Variants in C8orf88 observed in about 807,000 individuals in gnomAD.
The protein encoded by C8orf88 is chromosome 8 open reading frame 88.
C8orf88 carries 14 observed loss-of-function variants against 18.4 expected under a neutral mutation model. That is an observed-to-expected ratio of 0.76 (90% CI 0.50 to 1.19). The LOEUF is 1.19. Among genes scored for constraint, C8orf88 ranks in the 50% most tolerant of loss-of-function variants. The pLI, the probability that C8orf88 is intolerant of heterozygous loss-of-function variation, is 0.00. For missense variants in C8orf88, 116 were observed against 134.7 expected, an observed-to-expected ratio of 0.86 and a Z score of 0.69; for synonymous variants, 45 against 42.9, an observed-to-expected ratio of 1.05 and a Z score of -0.19.
chr8:90,974,181 TA>T, intron 3 of C8orf88, among the ~76,000 whole-genome samples: 2 of 152,286 alleles, frequency 1.3e-5, no homozygotes, highest in African/African-American at 4.8e-5. Flanking sequence ...CTCCTTCACT[TA>T]AATCTTGGCA....
intron 4 of C8orf88, among the ~76,000 whole-genome samples, chr8:90,964,868 G>A (rs1586160334): frequency 6.6e-6 from 1 of 150,816 alleles, no homozygotes; most frequent in Non-Finnish European, 1.5e-5. Context: ...ACAGCAACTA[G>A]GAACATAAAA....
intron 4 of C8orf88, among the ~76,000 whole-genome samples, chr8:90,968,066 C>T (rs1165547669): frequency 6.6e-6 from 1 of 151,618 alleles, no homozygotes; most frequent in Non-Finnish European, 1.5e-5. Context: ...GAAATGGAAA[C>T]GTTGATCTCA....
chr8:90,977,724 C>G (rs1438583833), intron 3 of C8orf88, among the ~76,000 whole-genome samples: 1 of 151,954 alleles, frequency 6.6e-6, no homozygotes, highest in Non-Finnish European at 1.5e-5. Flanking sequence ...GGCAGATCAC[C>G]TGAGGTTGGA....
chr8:90,971,111 G>C lies in C8orf88; in HGVS notation c.178C>G (p.Gln60Glu), dbSNP rs1391951300. 16 of 1,521,000 alleles carry C rather than the reference G, an allele frequency of 1.1e-5. No homozygotes were observed. Among genetic ancestry groups the C allele is most frequent in the Non-Finnish European group, 1.3e-5 (15 of 1,138,814 alleles). 94.2% of individuals were successfully genotyped at this position (1,521,000 alleles called of 1,614,324 possible). A position where few individuals can be genotyped will look rare whatever the true frequency, so the allele number is the denominator to read the frequency against. Residue 60 changes from glutamine (Q) to glutamate (E), a missense_variant, in exon 4 of 6, where the codon CAA becomes GAA. Coordinates refer to ENST00000517562, the MANE Select transcript of C8orf88 (RefSeq NM_001190972.2). ...CKTNGMQAFS[Q>E]GLNEQQQQQS... is the part of the protein sequence containing the mutation. Reference sequence around the variant, plus strand: ...TGTTGCTGTTGCTCATTAAGACCTTGAGAAAAGGCTTGCATTCCATTCGTC... The same window carrying C: ...TGTTGCTGTTGCTCATTAAGACCTTCAGAAAAGGCTTGCATTCCATTCGTC...
chr8:90,976,630 C>T (rs761933859), intron 3 of C8orf88, among the ~76,000 whole-genome samples: 40 of 151,834 alleles, frequency 2.6e-4, no homozygotes, highest in Admixed American at 4.6e-4. Context: ...AAAATGATCA[C>T]TAGAACAGAA....
At chr8:90,981,775 C>T (rs1351910605) in intron 1 of C8orf88, among the ~76,000 whole-genome samples, 2 of 152,112 alleles carry the variant, frequency 1.3e-5, no homozygotes, top group Admixed American at 6.5e-5. Context: ...GTCATTGCAA[C>T]TAAAATCTGA....
intron 1 of C8orf88, among the ~76,000 whole-genome samples, chr8:90,982,043 AAAC>A (rs773987967): frequency 2.6e-5 from 4 of 152,170 alleles, no homozygotes; most frequent in Non-Finnish European, 5.9e-5. Flanking sequence ...ATAAACTTAT[AAAC>A]AACCTCTCAA....
intron 3 of C8orf88, among the ~76,000 whole-genome samples, chr8:90,977,352 C>A (rs1169963288): frequency 6.6e-6 from 1 of 152,136 alleles, no homozygotes. Flanking sequence ...TTGGCAGTAT[C>A]AAAAAGTTGA....
At chr8:90,967,049 C>G (rs1213868251) in intron 4 of C8orf88, among the ~76,000 whole-genome samples, 2 of 151,806 alleles carry the variant, frequency 1.3e-5, no homozygotes, top group Non-Finnish European at 2.9e-5. Flanking sequence ...TATCATTTTT[C>G]TTGCCTAACT....
At chr8:90,968,758 T>A (rs1811242153) in intron 4 of C8orf88, among the ~76,000 whole-genome samples, 1 of 144,996 alleles carries the variant, frequency 6.9e-6, no homozygotes, top group Middle Eastern at 3.6e-3. Context: ...TATCCAGAAG[T>A]CTTGCAACTC....
At chr8:90,968,669 T>TGC (rs1811240191) in intron 4 of C8orf88, among the ~76,000 whole-genome samples, 3 of 128,888 alleles carry the variant, frequency 2.3e-5, no homozygotes, top group East Asian at 4.2e-4. Flanking sequence ...TATATATATA[T>TGC]ATATATATAT....
At chr8:90,976,385 G>A (rs567315417) in intron 3 of C8orf88, among the ~76,000 whole-genome samples, 3 of 152,022 alleles carry the variant, frequency 2.0e-5, no homozygotes, top group African/African-American at 7.2e-5. Context: ...ACGTTTAGAA[G>A]TAATTTAATT....
Position 90,971,002 on chromosome 8 carries a change from T to C in C8orf88, c.223+64A>G, listed in dbSNP as rs1240839301. 8.7e-6 allele frequency: 8 copies of C among 923,728 alleles called. No individual in the cohort carries two copies. The African/African-American group carries it at 1.2e-4, about 14-fold the overall frequency. 57.2% of individuals were successfully genotyped at this position (923,728 alleles called of 1,614,324 possible). On this transcript the variant is annotated intron_variant, in intron 4 of 5. Coordinates refer to ENST00000517562, the MANE Select transcript of C8orf88 (RefSeq NM_001190972.2). ...AGTTTGCATCTAAGTGATAAAGTAATATTAACTTTATATGAATGCTAAGAC... is the reference window on the plus strand; with the variant it reads ...AGTTTGCATCTAAGTGATAAAGTAACATTAACTTTATATGAATGCTAAGAC...
chr8:90,973,406 T>C (rs1441342132), intron 3 of C8orf88, among the ~76,000 whole-genome samples: 1 of 152,168 alleles, frequency 6.6e-6, no homozygotes, highest in Non-Finnish European at 1.5e-5. Context: ...GCATCAAGTT[T>C]CTTATAATTT....
At chr8:90,962,315 T>G (rs1811138788) in intron 4 of C8orf88, among the ~76,000 whole-genome samples, 1 of 151,554 alleles carries the variant, frequency 6.6e-6, no homozygotes, top group Non-Finnish European at 1.5e-5. Flanking sequence ...GAGAATGTAC[T>G]TGAGCAAAAT....
intron 4 of C8orf88, among the ~76,000 whole-genome samples, chr8:90,966,525 G>A (rs1811201851): frequency 8.8e-6 from 1 of 113,118 alleles, no homozygotes; most frequent in Non-Finnish European, 2.0e-5. Flanking sequence ...TAATAATAAA[G>A]AATTCACCAA....
intron 4 of C8orf88, among the ~76,000 whole-genome samples, chr8:90,967,963 C>T (rs1811226455): frequency 6.6e-6 from 1 of 151,658 alleles, no homozygotes; most frequent in South Asian, 2.1e-4. Flanking sequence ...TATGGATTGT[C>T]AGATTTAATA....
intron 4 of C8orf88, among the ~76,000 whole-genome samples, chr8:90,961,547 C>G (rs1811127361): frequency 1.3e-5 from 2 of 151,192 alleles, no homozygotes; most frequent in Non-Finnish European, 3.0e-5. Context: ...AAGACATTTT[C>G]AGATAAAGTA....
chr8:90,971,372 A>G (rs1225697519), intron 3 of C8orf88, among the ~76,000 whole-genome samples: 1 of 152,076 alleles, frequency 6.6e-6, no homozygotes, highest in African/African-American at 2.4e-5. Flanking sequence ...TTGAAAAGGA[A>G]TATAAAACTA....
Sources: allele counts gnomAD v4.1 joint callset (sites outside exome capture counted in the v4.1 genomes callset), GRCh38; gene constraint gnomAD v4.1.1; transcripts MANE v1.5; gene names NCBI Gene and HGNC (gene_info 2026-07-23, HGNC 2026-07-21).